The following ACER1 variants were observed in gnomAD, a reference collection of about 807,000 sequenced individuals.
The protein encoded by ACER1 is CTB-180A7.3.
Under a neutral mutation model 24.9 loss-of-function variants are expected in ACER1, and 28 were observed. The ratio of observed to expected loss-of-function variants is 1.13; its 90% CI spans 0.83 to 1.54. The LOEUF (loss-of-function observed/expected upper bound fraction) is 1.54, where lower values mean the gene tolerates loss of function less well. Ranked by LOEUF, ACER1 falls within the 40% of genes most tolerant of loss-of-function variation. ACER1 has a pLI of 0.00. For missense variants in ACER1, 352 were observed against 349.3 expected (o/e 1.01, Z -0.06); for synonymous variants, 132 against 131.4 (o/e 1.00, Z -0.03).
chr19:6,308,233 G>C (rs1292500487), intron 4 of ACER1, among the ~76,000 whole-genome samples: 1 of 151,944 alleles, frequency 6.6e-6, no homozygotes, highest in South Asian at 2.1e-4. Context: ...TTAGGAGTTC[G>C]AGACCAGCCT....
chr19:6,339,806 G>C, the ACER1 span, among the ~76,000 whole-genome samples: 7 of 151,926 alleles, frequency 4.6e-5, no homozygotes, highest in African/African-American at 1.7e-4. Context: ...GGGACTACAG[G>C]CGCCCGCCAC....
At chr19:6,352,132 G>A in the ACER1 span, among the ~76,000 whole-genome samples, 5 of 151,594 alleles carry the variant, frequency 3.3e-5, no homozygotes, top group African/African-American at 7.3e-5. Context: ...CTTTGCTAAC[G>A]TGGCCATGAG....
At chr19:6,320,834 T>G (rs2091626713) in intron 1 of ACER1, among the ~76,000 whole-genome samples, 1 of 152,192 alleles carries the variant, frequency 6.6e-6, no homozygotes, top group African/African-American at 2.4e-5. Flanking sequence ...TAGGATTTTA[T>G]GAGGATTACA....
chr19:6,322,701 A>G (rs2091637024), intron 1 of ACER1, among the ~76,000 whole-genome samples: 1 of 152,130 alleles, frequency 6.6e-6, no homozygotes, highest in Non-Finnish European at 1.5e-5. Context: ...CCCCACCCAA[A>G]TGTCATCTTA....
chr19:6,307,314 G>A, intron 4 of ACER1, 24 bp from the exon 5 acceptor site: 1 of 1,612,904 alleles, frequency 6.2e-7, no homozygotes, highest in Non-Finnish European at 8.5e-7. Flanking sequence ...AGGGGGACCA[G>A]GGGCTGGCTC....
At chr19:6,310,390 G>A (rs2091573267) in intron 3 of ACER1, among the ~76,000 whole-genome samples, 1 of 151,992 alleles carries the variant, frequency 6.6e-6, no homozygotes, top group Non-Finnish European at 1.5e-5. Flanking sequence ...CCTGGCCCTG[G>A]TGAAATCCCA....
the ACER1 span, among the ~76,000 whole-genome samples, chr19:6,357,553 T>G: frequency 6.6e-6 from 1 of 151,800 alleles, no homozygotes; most frequent in Admixed American, 6.6e-5. Context: ...ACATGGATCA[T>G]TTGAGGTCAG....
At chr19:6,348,084 T>C in the ACER1 span, among the ~76,000 whole-genome samples, 1 of 148,582 alleles carries the variant, frequency 6.7e-6, no homozygotes, top group Non-Finnish European at 1.5e-5. Context: ...GACATCTAGG[T>C]GGGTAAGACA....
chr19:6,339,457 C>T, the ACER1 span, among the ~76,000 whole-genome samples: 4 of 150,888 alleles, frequency 2.7e-5, no homozygotes, highest in Non-Finnish European at 5.9e-5. Context: ...GTATGAGGGG[C>T]TGGGGAGGGG....
At chr19:6,356,066 G>C in the ACER1 span, among the ~76,000 whole-genome samples, 2 of 151,438 alleles carry the variant, frequency 1.3e-5, no homozygotes, top group Non-Finnish European at 1.5e-5. Flanking sequence ...GAAATCGGAT[G>C]GTTGCCATGT....
At chr19:6,315,595 G>T (rs1443937989) in intron 1 of ACER1, among the ~76,000 whole-genome samples, 1 of 152,028 alleles carries the variant, frequency 6.6e-6, no homozygotes, top group Non-Finnish European at 1.5e-5. Context: ...TAGTCAGGAT[G>T]GTCTCGATCT....
At chr19:6,327,726 T>G (rs1007524598) in intron 1 of ACER1, among the ~76,000 whole-genome samples, 1 of 151,914 alleles carries the variant, frequency 6.6e-6, no homozygotes, top group Non-Finnish European at 1.5e-5. Context: ...ATTGAAAAAT[T>G]AAAAGATTAT....
upstream of ACER1, among the ~76,000 whole-genome samples, chr19:6,336,915 C>T (rs941376321): frequency 2.6e-5 from 4 of 151,914 alleles, no homozygotes; most frequent in South Asian, 8.3e-4. Flanking sequence ...GTGGCTCACC[C>T]CTGTAATCCC....
rs1391203122 is a variant in ACER1, at chr19:6,306,932, C to T, written c.627-50G>A. The T allele has an allele frequency of 6.4e-6, 10 of 1,571,964 alleles. No homozygotes were observed. In the East Asian group the frequency reaches 2.3e-4, roughly 35 times the overall value. ...CGAGGGCACAAGATACCCACAGCCT[C>T]ACGCCGGCCCTCTTTTTACTTCTCA... On this transcript the variant is annotated intron_variant, in intron 5 of 5. Transcript: ENST00000301452.
chr19:6,355,168 T>C, the ACER1 span, among the ~76,000 whole-genome samples: 6 of 151,900 alleles, frequency 3.9e-5, no homozygotes, highest in East Asian at 5.8e-4. Context: ...GATCTCGGCT[T>C]GCTACAACCT....
chr19:6,333,084 T>A (rs761091887), intron 1 of ACER1, among the ~76,000 whole-genome samples: 6 of 152,072 alleles, frequency 3.9e-5, no homozygotes, highest in Non-Finnish European at 8.8e-5. Flanking sequence ...CCAGGAAGCC[T>A]TTCCTGATTG....
chr19:6,319,080 A>C (rs1200880279), intron 1 of ACER1, among the ~76,000 whole-genome samples: 1 of 152,086 alleles, frequency 6.6e-6, no homozygotes, highest in Non-Finnish European at 1.5e-5. Flanking sequence ...AGCTCAAAAA[A>C]TAGCTGGGGC....
chr19:6,309,183 G>C (rs1394481765), intron 4 of ACER1, among the ~76,000 whole-genome samples: 2 of 151,796 alleles, frequency 1.3e-5, no homozygotes, highest in Non-Finnish European at 2.9e-5. Flanking sequence ...GGAAGACAGA[G>C]AGAGACTCTG....
At chr19:6,354,759 C>T in the ACER1 span, among the ~76,000 whole-genome samples, 6 of 152,124 alleles carry the variant, frequency 3.9e-5, no homozygotes, top group African/African-American at 1.2e-4. Flanking sequence ...GTCTCTACAA[C>T]AAAAACTTTA....
Sources: gnomAD v4.1 joint callset for allele counts (sites outside exome capture counted in the v4.1 genomes callset) on GRCh38, gnomAD v4.1.1 for gene constraint, MANE v1.5 for transcripts, NCBI Gene and HGNC (gene_info 2026-07-23, HGNC 2026-07-21) for gene names.